ZC3H11A: variants seen among roughly 807,000 people sequenced by gnomAD.
ZC3H11A encodes zinc finger CCCH-type containing 11A, also known as zinc finger CCCH domain-containing protein 11A.
A neutral mutation model predicts 90.8 loss-of-function variants in ZC3H11A; 22 were observed. The ratio of observed to expected loss-of-function variants is 0.24; its 90% confidence interval spans 0.17 to 0.35. The LOEUF is 0.35. Ranked by LOEUF, ZC3H11A falls within the 10% of genes least tolerant of loss-of-function variation. The pLI, the probability that ZC3H11A is intolerant of heterozygous loss-of-function variation, is 1.00. For missense variants in ZC3H11A, 701 were observed against 964.9 expected, an observed-to-expected ratio of 0.73 and a Z score of 3.62; for synonymous variants, 294 against 339.8, an observed-to-expected ratio of 0.87 and a Z score of 1.48.
intron 1 of ZC3H11A, chr1:203,797,345 A>T (rs755293081): frequency 3.3e-5 from 19 of 569,028 alleles, no homozygotes; most frequent in Non-Finnish European, 5.6e-5. Flanking sequence ...AATGTTCTCC[A>T]TTGCTGTCAG....
intron 4 of ZC3H11A, among the ~76,000 whole-genome samples, chr1:203,821,849 A>C (rs1431551567): frequency 1.3e-5 from 2 of 151,418 alleles, no homozygotes; most frequent in South Asian, 2.1e-4. Flanking sequence ...GCTCCGCCTC[A>C]TTGGTTCACA....
At chr1:203,845,458 G>A (rs1228851701) in intron 12 of ZC3H11A, among the ~76,000 whole-genome samples, 1 of 152,234 alleles carries the variant, frequency 6.6e-6, no homozygotes, top group East Asian at 1.9e-4. Flanking sequence ...TACAGTCGTT[G>A]TTCTCATGAA....
At chr1:203,804,749 T>G (rs923338827) in intron 2 of ZC3H11A, among the ~76,000 whole-genome samples, 2 of 151,694 alleles carry the variant, frequency 1.3e-5, no homozygotes, top group African/African-American at 2.4e-5. Flanking sequence ...CTTGGCTCAT[T>G]GCAACCTCTG....
At chr1:203,818,332 T>G (rs1299936595) in intron 3 of ZC3H11A, among the ~76,000 whole-genome samples, 1 of 152,186 alleles carries the variant, frequency 6.6e-6, no homozygotes, top group Non-Finnish European at 1.5e-5. Context: ...TTTCAACTCT[T>G]TTTTTCAGCT....
chr1:203,805,676 T>C, intron 2 of ZC3H11A: 1 of 687,486 alleles, frequency 1.5e-6, no homozygotes, highest in South Asian at 1.4e-5. Context: ...ATCCTTGTTT[T>C]TGTGACAGTG....
At chr1:203,814,105 A>G (rs2102703939) in intron 2 of ZC3H11A, among the ~76,000 whole-genome samples, 1 of 152,296 alleles carries the variant, frequency 6.6e-6, no homozygotes, top group South Asian at 2.1e-4. Context: ...CAGCAGGAAA[A>G]GCCCAGGCTG....
At position 203,849,894 on chromosome 1, in the gene ZC3H11A, G is replaced by C. The variant is rs749692447; in HGVS notation, c.1807G>C (p.Gly603Arg). ...GAAACCAGTGCTCACTGCTGTGCCA[G>C]GAATCACACGGCACCTGACCAAGCG... is the stretch of plus-strand genomic sequence containing the variant. Reference protein sequence around the residue: ...AEKPVLTAVPGITRHLTKRLP... With the variant: ...AEKPVLTAVPRITRHLTKRLP... The change falls in exon 15 of 18, where the codon GGA becomes CGA. Residue 603 changes from glycine (G) to arginine (R), a missense_variant. Physicochemically the swap from Gly to Arg is moderately radical, Grantham distance 125 (BLOSUM62 -2). Coordinates refer to ENST00000367210, the MANE Select transcript of ZC3H11A (RefSeq NM_001376342.1). 1.2e-6 allele frequency: 2 copies of C among 1,614,074 alleles called. No homozygotes were observed. The highest frequency in any genetic ancestry group is 2.2e-5 in the South Asian group (2 of 91,080).
chr1:203,826,802 CT>C (rs1430652921), intron 4 of ZC3H11A, among the ~76,000 whole-genome samples: 1 of 152,134 alleles, frequency 6.6e-6, no homozygotes, highest in Non-Finnish European at 1.5e-5. Context: ...CTTCTCATAT[CT>C]TTTTTCCCCC....
At position 203,849,967 on chromosome 1, in the gene ZC3H11A, T is replaced by G. The variant is rs375770187; in HGVS notation, c.1880T>G (p.Ile627Ser). The change falls in exon 15 of 18, where the codon ATT becomes AGT. Residue 627 changes from isoleucine to serine, a missense_variant. Ile to Ser is a moderately radical substitution (Grantham distance 142, BLOSUM62 -2). Coordinates refer to ENST00000367210, the MANE Select transcript of ZC3H11A (RefSeq NM_001376342.1). ...SQKVEVETSG[I>S]GDSLLNVKCA... ...AAGGTGGAGGTAGAAACCTCAGGGA[T>G]TGGAGACTCATTATTGAATGTGAAA... 7.5e-5 allele frequency: 121 copies of G among 1,613,990 alleles called. 5 individuals are homozygous for G. In the South Asian group the frequency reaches 1.3e-3, roughly 17 times the overall value.
chr1:203,829,251 G>A (rs1180032250), intron 5 of ZC3H11A, 200 bp from the exon 6 acceptor site: 8 of 606,074 alleles, frequency 1.3e-5, no homozygotes, highest in South Asian at 2.0e-5. Flanking sequence ...TTGTGTTTAT[G>A]TACAGTGGAG....
rs1675515585 is a variant in ZC3H11A at position 203,814,332 on chromosome 1, T to A, written c.-145-2594T>A. ...TGAGGTCAGAAGTTCAAGACCAGCC[T>A]GGCCAACATGGCGAAACCCTGTCTC... On this transcript the variant is annotated intron_variant, in intron 2 of 17. Transcript: ENST00000367210. Among the ~76,000 whole-genome samples, 3 of 152,180 alleles carry A rather than the reference T, an allele frequency of 2.0e-5. No individual in the cohort carries two copies. In the South Asian group the frequency reaches 6.2e-4, roughly 31 times the overall value.
intron 12 of ZC3H11A, among the ~76,000 whole-genome samples, chr1:203,845,786 C>T (rs554109700): frequency 1.4e-3 from 218 of 152,146 alleles, no homozygotes; most frequent in African/African-American, 5.0e-3. Context: ...ATCACTTGAA[C>T]CCAGGAGATG....
intron 2 of ZC3H11A, among the ~76,000 whole-genome samples, chr1:203,808,442 C>T (rs1389565339): frequency 6.6e-6 from 1 of 152,176 alleles, no homozygotes; most frequent in African/African-American, 2.4e-5. Context: ...AAGAAAAGTT[C>T]TGCCTGGCAT....
At chr1:203,805,914 G>A (rs151304858) in intron 2 of ZC3H11A, 7 of 677,930 alleles carry the variant, frequency 1.0e-5, no homozygotes, top group Middle Eastern at 5.1e-4. Context: ...TCACTTGCTT[G>A]TCTACCTTCA....
chr1:203,820,344 C>T (rs889007580), intron 4 of ZC3H11A, among the ~76,000 whole-genome samples: 1 of 151,960 alleles, frequency 6.6e-6, no homozygotes. Flanking sequence ...CGTTTCATTG[C>T]CCTTAACACT....
chr1:203,842,464 G>T (rs556087915), intron 12 of ZC3H11A, among the ~76,000 whole-genome samples: 18 of 151,980 alleles, frequency 1.2e-4, no homozygotes, highest in African/African-American at 4.4e-4. Context: ...CAAGTGTGGC[G>T]GCGCGCGCCT....
chr1:203,837,502 G>A (rs1337842383), intron 10 of ZC3H11A, among the ~76,000 whole-genome samples: 5 of 151,202 alleles, frequency 3.3e-5, no homozygotes, highest in African/African-American at 1.2e-4. Context: ...CGCCCAGGCA[G>A]GAGTGTAGTA....
chr1:203,798,279 A>G lies in ZC3H11A; in HGVS notation c.-1588+2485A>G, dbSNP rs553693791. The G allele has an allele frequency of 4.6e-6, 7 of 1,536,098 alleles. No individual in the cohort carries two copies. The East Asian group carries it at 1.2e-4, about 27-fold the overall frequency. On this transcript the variant is annotated intron_variant, in intron 1 of 17. Coordinates refer to ENST00000367210, the MANE Select transcript of ZC3H11A (RefSeq NM_001376342.1). ...AGGGAGATTTCTCATCAAAAGTAAC[A>G]TTGTCAAGCATGCTTTAATTCCTGG...
chr1:203,831,702 C>A lies in ZC3H11A; in HGVS notation c.742C>A (p.Pro248Thr), dbSNP rs757891569. 3 of 1,613,194 alleles carry A rather than the reference C, an allele frequency of 1.9e-6. No individual in the cohort carries two copies. The highest frequency in any genetic ancestry group is 2.5e-6 in the Non-Finnish European group (3 of 1,179,626). ...TTCCAGTCTTTTACTCCACCCTGAG[C>A]CCGTTCCAGGTCCTGAAAAAGAAAA... ...GVSSLLLHPE[P>T]VPGPEKENVR... Residue 248 changes from proline to threonine, a missense_variant, in exon 9 of 18, where the codon CCC becomes ACC. Pro to Thr is a conservative substitution (Grantham distance 38). Around this residue, in one of 4 missense-constraint regions of ZC3H11A, gnomAD observed 530 missense variants for 696.2 expected, o/e 0.76. Transcript: ENST00000367210.
Sources: gnomAD v4.1 joint callset for allele counts (sites outside exome capture counted in the v4.1 genomes callset) on GRCh38, gnomAD v4.1.1 for gene constraint, gnomAD v4.1.1 regional missense constraint, MANE v1.5 for transcripts, NCBI Gene and HGNC (gene_info 2026-07-23, HGNC 2026-07-21) for gene names.